Variants in BCL11A observed in about 807,000 individuals in gnomAD.
The protein encoded by BCL11A is BCL11 transcription factor A, also known as B cell CLL/lymphoma 11A.
A neutral mutation model predicts 55.9 loss-of-function variants in BCL11A; 2 were observed. The ratio of observed to expected loss-of-function variants is 0.04; its 90% CI spans 0.01 to 0.11. The LOEUF (loss-of-function observed/expected upper bound fraction) is 0.11, where lower values mean the gene tolerates loss of function less well. Ranked by LOEUF, BCL11A falls within the 10% of genes least tolerant of loss-of-function variation. BCL11A has a pLI of 1.00. For missense variants in BCL11A, 817 were observed against 1,137.1 expected, an observed-to-expected ratio of 0.72 and a Z score of 4.05; for synonymous variants, 465 against 473.4, an observed-to-expected ratio of 0.98 and a Z score of 0.23.
chr2:60,539,479 G>T (rs1197950170), intron 2 of BCL11A, among the ~76,000 whole-genome samples: 1 of 152,182 alleles, frequency 6.6e-6, no homozygotes, highest in East Asian at 1.9e-4. Flanking sequence ...AAAAGCCTTT[G>T]CTGAAATGTT....
chr2:60,520,533 C>T (rs1017063627), intron 2 of BCL11A, among the ~76,000 whole-genome samples: 2 of 152,042 alleles, frequency 1.3e-5, no homozygotes, highest in African/African-American at 4.8e-5. Context: ...ATTCGCATTC[C>T]GTTTATAAGA....
rs1676066863 is a variant in BCL11A at position 60,458,698 on chromosome 2, TA to T, written c.*1705del. The T allele has an allele frequency of 1.9e-6, 2 of 1,029,966 alleles. No homozygotes were observed. Among genetic ancestry groups the T allele is most frequent in the South Asian group, 9.2e-5 (2 of 21,684 alleles). 63.8% of individuals were successfully genotyped at this position (1,029,966 alleles called of 1,614,324 possible). Reference sequence around the variant, plus strand: ...AACTTTTCCCTTAAGTATAGACCTGTAAACTGGGAAAATTGTACAGTGCACT... The same window carrying T: ...AACTTTTCCCTTAAGTATAGACCTGTAACTGGGAAAATTGTACAGTGCACT... On this transcript the variant is annotated 3_prime_UTR_variant, in exon 4 of 4. Transcript: ENST00000642384.
At chr2:60,477,795 A>G (rs1325452297) in intron 2 of BCL11A, among the ~76,000 whole-genome samples, 1 of 152,036 alleles carries the variant, frequency 6.6e-6, no homozygotes, top group Non-Finnish European at 1.5e-5. Flanking sequence ...TTCCTGACTT[A>G]TCATCCAAGA....
intron 3 of BCL11A, among the ~76,000 whole-genome samples, chr2:60,464,074 C>A (rs947246147): frequency 1.3e-5 from 2 of 152,206 alleles, no homozygotes; most frequent in African/African-American, 4.8e-5. Context: ...GCCAGCCTCG[C>A]TCAAGCACTT....
intron 2 of BCL11A, among the ~76,000 whole-genome samples, chr2:60,508,229 C>A (rs1159490599): frequency 6.6e-6 from 1 of 152,108 alleles, no homozygotes; most frequent in Non-Finnish European, 1.5e-5. Context: ...ACAACAACAA[C>A]AAATTACACA....
At chr2:60,523,980 A>G (rs887963660) in intron 2 of BCL11A, among the ~76,000 whole-genome samples, 3 of 152,226 alleles carry the variant, frequency 2.0e-5, no homozygotes, top group Non-Finnish European at 4.4e-5. Flanking sequence ...AAAACTTTGA[A>G]GTCAATTATG....
chr2:60,507,464 C>A (rs1679715686), intron 2 of BCL11A, among the ~76,000 whole-genome samples: 1 of 151,892 alleles, frequency 6.6e-6, no homozygotes, highest in Admixed American at 6.5e-5. Flanking sequence ...CTCTTGTTGA[C>A]TTGAAGCTGC....
At chr2:60,514,329 C>A (rs1668628610) in intron 2 of BCL11A, among the ~76,000 whole-genome samples, 1 of 152,134 alleles carries the variant, frequency 6.6e-6, no homozygotes, top group African/African-American at 2.4e-5. Flanking sequence ...CATTTCTGGG[C>A]AGTCCCAAGA....
chr2:60,547,946 T>C (rs1416459711), intron 1 of BCL11A, among the ~76,000 whole-genome samples: 1 of 152,242 alleles, frequency 6.6e-6, no homozygotes, highest in Non-Finnish European at 1.5e-5. Flanking sequence ...GTTATATTCC[T>C]ACTAATAAAG....
At chr2:60,522,338 T>C (rs1408756425) in intron 2 of BCL11A, 1 of 152,248 alleles carries the variant, frequency 6.6e-6, no homozygotes, top group East Asian at 1.9e-4. Context: ...ACTCGTTTTT[T>C]TTCTTTTAAA....
intron 2 of BCL11A, among the ~76,000 whole-genome samples, chr2:60,521,486 C>A (rs1244815389): frequency 6.6e-6 from 1 of 152,172 alleles, no homozygotes; most frequent in Non-Finnish European, 1.5e-5. Context: ...ACGAAGCCCA[C>A]CAGTGACCTA....
chr2:60,453,834 A>T (rs1441229999), downstream of BCL11A, among the ~76,000 whole-genome samples: 1 of 152,238 alleles, frequency 6.6e-6, no homozygotes, highest in Admixed American at 6.5e-5. Context: ...TCCCTATGAA[A>T]GATCTGATAC....
At chr2:60,504,789 T>C (rs955491718) in intron 2 of BCL11A, among the ~76,000 whole-genome samples, 1 of 152,196 alleles carries the variant, frequency 6.6e-6, no homozygotes, top group African/African-American at 2.4e-5. Flanking sequence ...ATCAGGTACA[T>C]ATCTGTCCCT....
At chr2:60,455,803 G>A (rs1675911654), downstream of BCL11A, among the ~76,000 whole-genome samples, 1 of 152,160 alleles carries the variant, frequency 6.6e-6, no homozygotes. Context: ...ATTTAATAGG[G>A]TGGAGTCGAA....
intron 2 of BCL11A, among the ~76,000 whole-genome samples, chr2:60,514,493 C>A (rs1668637430): frequency 8.2e-6 from 1 of 121,426 alleles, no homozygotes; most frequent in African/African-American, 3.4e-5. Flanking sequence ...CCCATCTCTA[C>A]TTAAAAAAAA....
In BCL11A at chr2:60,546,099, G is replaced by A. The variant is rs267599418; in HGVS notation, c.257C>T (p.Ser86Phe). Residue 86 changes from serine (S) to phenylalanine (F), a missense_variant, in exon 2 of 4, where the codon TCC becomes TTC. Physicochemically the swap from Ser to Phe is radical, Grantham distance 155. This residue lies in a region of BCL11A where 363 missense variants were observed against 486.6 expected (regional missense o/e 0.75). Coordinates refer to ENST00000642384, the MANE Select transcript of BCL11A (RefSeq NM_022893.4). This position sits in a 1 kb window ranked among gnomAD's most constrained non-coding sequence, Gnocchi z 4.1. ...TTTTTTCATCTCGATTGGTGAAGGG[G>A]AAGGTGGCTTATCCACAGCTTTTTC... ...CLEKAVDKPP[S>F]PSPIEMKKAS... 2 of 1,614,092 alleles carry A rather than the reference G, an allele frequency of 1.2e-6. No individual in the cohort carries two copies. The highest frequency in any genetic ancestry group is 2.7e-5 in the African/African-American group (2 of 74,922).
intron 2 of BCL11A, among the ~76,000 whole-genome samples, chr2:60,474,911 A>G (rs1341596392): frequency 6.6e-6 from 1 of 152,232 alleles, no homozygotes; most frequent in African/African-American, 2.4e-5. Flanking sequence ...ACCCCCATGT[A>G]GAAAGTGTGT....
chr2:60,479,045 A>G (rs922824739), intron 2 of BCL11A, among the ~76,000 whole-genome samples: 2 of 152,152 alleles, frequency 1.3e-5, no homozygotes, highest in Non-Finnish European at 2.9e-5. Flanking sequence ...CAATCTGGAA[A>G]GAGTTCCCTG....
Position 60,468,787 on chromosome 2 carries a change from A to G in BCL11A, c.432T>C (p.His144=). ...TCCCAGGCGTGGGGATTAGAGCTCC[A>G]TGTGCAGAACGAGGGGAGGAGAGGC... The part of the protein sequence containing the change: ...WRGLSSPRSA[H]GALIPTPGMS... The change falls in exon 3 of 4, where the codon CAT becomes CAC. Residue 144 remains histidine, a synonymous_variant. Coordinates refer to ENST00000642384, the MANE Select transcript of BCL11A (RefSeq NM_022893.4). The G allele has an allele frequency of 6.2e-7, 1 of 1,607,756 alleles. No homozygotes were observed. Among genetic ancestry groups the G allele is most frequent in the Non-Finnish European group, 8.5e-7 (1 of 1,178,466 alleles).
Sources: allele counts gnomAD v4.1 joint callset (sites outside exome capture counted in the v4.1 genomes callset), GRCh38; gene constraint gnomAD v4.1.1; regional missense constraint gnomAD v4.1.1; non-coding constraint Gnocchi (gnomAD v3.1); transcripts MANE v1.5; gene names NCBI Gene and HGNC (gene_info 2026-07-23, HGNC 2026-07-21).